CCDC73: variants seen among roughly 807,000 people sequenced by gnomAD.
The protein encoded by CCDC73 is coiled-coil domain containing 73, also known as coiled-coil domain-containing protein 73.
In CCDC73, 95 loss-of-function variants were observed where a neutral mutation model predicts 116.5. The ratio of observed to expected loss-of-function variants is 0.82; its 90% CI spans 0.69 to 0.97. The LOEUF (loss-of-function observed/expected upper bound fraction) is 0.97, where lower values mean the gene tolerates loss of function less well. Among genes scored for constraint, CCDC73 ranks in the 50% least tolerant of loss-of-function variants. The probability of loss-of-function intolerance (pLI) is 0.00; values close to 1 mark genes in which losing one functional copy is unlikely to be tolerated. For synonymous variants in CCDC73, 398 were observed against 401.3 expected, an observed-to-expected ratio of 0.99 and a Z score of 0.10; for missense variants, 1,066 against 1,206.8, an observed-to-expected ratio of 0.88 and a Z score of 1.73.
chr11:32,674,136 A>G (rs935488116), intron 9 of CCDC73, among the ~76,000 whole-genome samples: 6 of 152,222 alleles, frequency 3.9e-5, no homozygotes, highest in African/African-American at 1.4e-4. Flanking sequence ...AAAGGTAAGT[A>G]TAGATCTGGA....
chr11:32,732,481 T>C (rs1850087929), intron 2 of CCDC73, among the ~76,000 whole-genome samples: 1 of 151,920 alleles, frequency 6.6e-6, no homozygotes, highest in South Asian at 2.1e-4. Flanking sequence ...TTCACCAAAG[T>C]TGAAATGAAG....
At chr11:32,676,085 A>G in intron 7 of CCDC73, 64 bp from the exon 8 acceptor site, 1 of 1,303,286 alleles carries the variant, frequency 7.7e-7, no homozygotes. Context: ...CACACAACAA[A>G]TATGTAAAAT....
rs1461886682 is a variant in CCDC73 at position 32,617,230 on chromosome 11, G to A, written c.1186-1101C>T. On this transcript the variant is annotated intron_variant, in intron 14 of 17. Coordinates refer to ENST00000335185, the MANE Select transcript of CCDC73 (RefSeq NM_001008391.4). ...GGAAGACACTGAGAAGTCACTGAAG[G>A]GTTTTAAACAAGGAATGAATAATGT... Among the ~76,000 whole-genome samples, 4 of 151,978 alleles carry A rather than the reference G, an allele frequency of 2.6e-5. No individual in the cohort carries two copies. In the East Asian group the frequency reaches 7.7e-4, roughly 29 times the overall value.
chr11:32,772,923 A>G (rs957339708), intron 1 of CCDC73, among the ~76,000 whole-genome samples: 2 of 152,228 alleles, frequency 1.3e-5, no homozygotes, highest in Admixed American at 6.5e-5. Context: ...TAAAGTTACC[A>G]TATGACTCAG....
chr11:32,699,119 T>C, intron 6 of CCDC73, 132 bp downstream of exon 6: 1 of 979,640 alleles, frequency 1.0e-6, no homozygotes, highest in Non-Finnish European at 1.3e-6. Flanking sequence ...CAGGAAAAAG[T>C]ATTAAATTAT....
At chr11:32,741,753 GCA>G (rs1850188908) in intron 2 of CCDC73, among the ~76,000 whole-genome samples, 1 of 151,916 alleles carries the variant, frequency 6.6e-6, no homozygotes, top group Admixed American at 6.6e-5. Flanking sequence ...GTGGTTTCCT[GCA>G]CCCATCAACC....
chr11:32,699,291 T>C lies in CCDC73; in HGVS notation c.350A>G (p.Lys117Arg). 6.3e-7 allele frequency: 1 copy of C among 1,580,358 alleles called. No homozygotes were observed. The highest frequency in any genetic ancestry group is 8.6e-7 in the Non-Finnish European group (1 of 1,159,416). The change falls in exon 6 of 18, where the codon AAA becomes AGA. Residue 117 changes from lysine to arginine, a missense_variant. Lys to Arg is a conservative substitution (Grantham distance 26). Transcript: ENST00000335185. ...KYQLATEIKE[K>R]EIEGLKETLK... ...TGTTTCCTTCAATCCTTCTATTTCT[T>C]TTTCCTTTATTTCTGTAGCAAGTTG...
At chr11:32,701,881 G>GCACA (rs1267423368) in intron 4 of CCDC73, among the ~76,000 whole-genome samples, 2 of 151,568 alleles carry the variant, frequency 1.3e-5, no homozygotes, top group Non-Finnish European at 2.9e-5. Flanking sequence ...CTTTTAAAAA[G>GCACA]CACACACACA....
the CCDC73 span, among the ~76,000 whole-genome samples, chr11:32,805,444 G>T: frequency 6.6e-6 from 1 of 152,152 alleles, no homozygotes; most frequent in Non-Finnish European, 1.5e-5. Context: ...AAGGATGAAA[G>T]AGCTCTTAAA....
chr11:32,681,163 T>A (rs1200185527), intron 7 of CCDC73: 1 of 151,946 alleles, frequency 6.6e-6, no homozygotes, highest in African/African-American at 2.4e-5. Flanking sequence ...TAGAGGAAAA[T>A]GATATACAGA....
chr11:32,735,776 G>T (rs1348529293), intron 2 of CCDC73, among the ~76,000 whole-genome samples: 4 of 152,078 alleles, frequency 2.6e-5, no homozygotes, highest in African/African-American at 9.7e-5. Flanking sequence ...ATGGCTACAG[G>T]AACCAAAACA....
chr11:32,765,998 C>T (rs748932252), intron 1 of CCDC73, among the ~76,000 whole-genome samples: 17 of 152,044 alleles, frequency 1.1e-4, no homozygotes, highest in Non-Finnish European at 2.4e-4. Flanking sequence ...GGCAGAGACA[C>T]AACAAAAAAA....
At chr11:32,829,711 A>T in the CCDC73 span, 1 of 942,810 alleles carries the variant, frequency 1.1e-6, no homozygotes, top group Non-Finnish European at 1.3e-6. Flanking sequence ...TGCAGACACA[A>T]ATCGAAAAGC....
chr11:32,785,054 T>C (rs1850615878), intron 1 of CCDC73, among the ~76,000 whole-genome samples: 1 of 151,886 alleles, frequency 6.6e-6, no homozygotes, highest in South Asian at 2.1e-4. Flanking sequence ...TAATCCCAGC[T>C]ACTTGGGAGG....
intron 1 of CCDC73, among the ~76,000 whole-genome samples, chr11:32,787,397 G>A (rs1292632534): frequency 6.6e-6 from 1 of 152,044 alleles, no homozygotes; most frequent in Non-Finnish European, 1.5e-5. Context: ...CAACCAGTAG[G>A]CTTTGACATT....
chr11:32,794,952 C>T (rs972273384), upstream of CCDC73, among the ~76,000 whole-genome samples: 1 of 151,432 alleles, frequency 6.6e-6, no homozygotes, highest in Non-Finnish European at 1.5e-5. Flanking sequence ...GCAAGCTCCA[C>T]CTCCCAGGTT....
At chr11:32,732,666 C>T (rs904193855) in intron 2 of CCDC73, among the ~76,000 whole-genome samples, 60 of 152,206 alleles carry the variant, frequency 3.9e-4, no homozygotes, top group African/African-American at 1.0e-3. Context: ...TCCAGCCAAA[C>T]TAAACTTCAT....
intron 6 of CCDC73, among the ~76,000 whole-genome samples, chr11:32,687,334 G>A (rs564831456): frequency 6.6e-6 from 1 of 152,132 alleles, no homozygotes; most frequent in Non-Finnish European, 1.5e-5. Flanking sequence ...TAAGTAAGGT[G>A]AGGAGGGTGA....
At chr11:32,603,074 A>G in intron 17 of CCDC73, 54 bp from the exon 18 acceptor site, 1 of 1,427,062 alleles carries the variant, frequency 7.0e-7, no homozygotes, top group Non-Finnish European at 9.6e-7. Flanking sequence ...AAGATTTTAA[A>G]GAGTCTGTAA....
Sources: gnomAD v4.1 joint callset for allele counts (sites outside exome capture counted in the v4.1 genomes callset) on GRCh38, gnomAD v4.1.1 for gene constraint, MANE v1.5 for transcripts, NCBI Gene and HGNC (gene_info 2026-07-23, HGNC 2026-07-21) for gene names.